C5orf63: variants seen among roughly 807,000 people sequenced by gnomAD.
The protein encoded by C5orf63 is chromosome 5 open reading frame 63.
C5orf63 carries 18 observed loss-of-function variants against 13.3 expected under a neutral mutation model. The ratio of observed to expected loss-of-function variants is 1.36; its 90% CI spans 0.94 to 2.01. C5orf63 has a LOEUF of 2.01. Ranked by LOEUF, C5orf63 falls within the 30% of genes most tolerant of loss-of-function variation. C5orf63 has a pLI of 0.00. For missense variants in C5orf63, 118 were observed against 127.7 expected, an observed-to-expected ratio of 0.92 and a Z score of 0.36; for synonymous variants, 38 against 44.7, an observed-to-expected ratio of 0.85 and a Z score of 0.60.
rs1159344003 is a variant in C5orf63 at position 127,052,666 on chromosome 5, G to T, written c.118C>A (p.Pro40Thr). The change falls in exon 4 of 5, where the codon CCA (proline) becomes ACA (threonine). Residue 40 changes from proline (P) to threonine (T), a missense_variant. Coordinates refer to ENST00000296662, the MANE Select transcript of C5orf63 (RefSeq NM_001164478.2). ...TTGGCTTCATCACAAAGGGGGCATG[G>T]GTCCTACAGGAAGAAAAAAAACCCA... ...LPVLTLFTKD[P>T]CPLCDEAKEV... The T allele has an allele frequency of 6.7e-7, 1 of 1,491,700 alleles. No homozygotes were observed. The highest frequency in any genetic ancestry group is 8.8e-7 in the Non-Finnish European group (1 of 1,131,578). 92.4% of individuals were successfully genotyped at this position (1,491,700 alleles called of 1,614,324 possible). A position where few individuals can be genotyped will look rare whatever the true frequency, so the allele number is the denominator to read the frequency against.
At chr5:127,059,224 T>C (rs1229584957) in intron 2 of C5orf63, among the ~76,000 whole-genome samples, 1 of 152,186 alleles carries the variant, frequency 6.6e-6, no homozygotes, top group Middle Eastern at 3.2e-3. Flanking sequence ...AAAAATCCCT[T>C]GTTATGAATT....
downstream of C5orf63, chr5:127,046,427 C>T (rs966490477): frequency 2.6e-5 from 4 of 152,272 alleles, no homozygotes; most frequent in African/African-American, 9.6e-5. Flanking sequence ...TGTCTGACTC[C>T]CATTGCTTTG....
chr5:127,052,440 G>C (rs1753714110), intron 4 of C5orf63, 173 bp downstream of exon 4: 1 of 448,976 alleles, frequency 2.2e-6, no homozygotes, highest in Admixed American at 4.1e-5. Context: ...AAAACACTTA[G>C]GTGTAATGAG....
intron 2 of C5orf63, among the ~76,000 whole-genome samples, chr5:127,065,957 T>G (rs776414106): frequency 1.3e-5 from 2 of 152,164 alleles, no homozygotes; most frequent in Non-Finnish European, 2.9e-5. Flanking sequence ...CTCTTTAATG[T>G]CAGGCCACTT....
chr5:127,048,129 C>T (rs1753564323), downstream of C5orf63, among the ~76,000 whole-genome samples: 1 of 151,936 alleles, frequency 6.6e-6, no homozygotes. Flanking sequence ...CGAGCAGACC[C>T]CTCAGCCCCT....
downstream of C5orf63, among the ~76,000 whole-genome samples, chr5:127,049,251 A>G (rs574938253): frequency 2.0e-5 from 3 of 152,244 alleles, no homozygotes; most frequent in African/African-American, 7.2e-5. Flanking sequence ...AGGCCTTCAC[A>G]ATATGGATCC....
intron 3 of C5orf63, 74 bp from the exon 4 acceptor site, chr5:127,052,743 A>G: frequency 8.4e-7 from 1 of 1,195,734 alleles, no homozygotes; most frequent in Non-Finnish European, 1.1e-6. Flanking sequence ...AAAACAAAAC[A>G]AAAAACCCAT....
At chr5:127,068,778 G>A (rs1754421372) in intron 2 of C5orf63, among the ~76,000 whole-genome samples, 1 of 152,144 alleles carries the variant, frequency 6.6e-6, no homozygotes, top group Non-Finnish European at 1.5e-5. Context: ...AATGGGGTTG[G>A]TGCACATGAC....
chr5:127,042,806 G>A (rs1423489736), downstream of C5orf63: 2 of 152,096 alleles, frequency 1.3e-5, no homozygotes, highest in African/African-American at 4.8e-5. Flanking sequence ...GCCCCCTTAT[G>A]GTGAAGCGAT....
chr5:127,072,884 T>C (rs939948424), intron 1 of C5orf63, among the ~76,000 whole-genome samples: 1 of 152,230 alleles, frequency 6.6e-6, no homozygotes, highest in Non-Finnish European at 1.5e-5. Context: ...ATTTATTCTC[T>C]CATTGTTCAG....
downstream of C5orf63, chr5:127,051,280 C>T: frequency 8.2e-7 from 1 of 1,220,236 alleles, no homozygotes; most frequent in Non-Finnish European, 1.0e-6. Context: ...TATTAAATCC[C>T]ACTGAATAGG....
chr5:127,048,182 G>A (rs575260548), downstream of C5orf63, among the ~76,000 whole-genome samples: 1 of 151,500 alleles, frequency 6.6e-6, no homozygotes, highest in African/African-American at 2.4e-5. Flanking sequence ...TCTGAGGCCT[G>A]CCTGCAACGA....
intron 2 of C5orf63, among the ~76,000 whole-genome samples, chr5:127,066,209 A>G (rs1554076080): frequency 6.6e-6 from 1 of 152,196 alleles, no homozygotes; most frequent in Non-Finnish European, 1.5e-5. Flanking sequence ...AACCCACAGT[A>G]AGCAGGCATC....
At chr5:127,054,558 C>A (rs1341005182) in intron 3 of C5orf63, among the ~76,000 whole-genome samples, 1 of 152,148 alleles carries the variant, frequency 6.6e-6, no homozygotes, top group Admixed American at 6.5e-5. Flanking sequence ...CTGTCCATAT[C>A]CTTTGCCCAC....
chr5:127,070,130 A>G (rs988070520), intron 2 of C5orf63, among the ~76,000 whole-genome samples: 1 of 152,320 alleles, frequency 6.6e-6, no homozygotes, highest in African/African-American at 2.4e-5. Context: ...AGTTTCAGAC[A>G]GTAGAATTCT....
At chr5:127,053,540 A>C (rs1049745541) in intron 3 of C5orf63, among the ~76,000 whole-genome samples, 4 of 151,984 alleles carry the variant, frequency 2.6e-5, no homozygotes, top group Non-Finnish European at 5.9e-5. Context: ...CCCATCAACT[A>C]GTCATTTACA....
chr5:127,066,245 G>A (rs1169142497), intron 2 of C5orf63, among the ~76,000 whole-genome samples: 1 of 152,160 alleles, frequency 6.6e-6, no homozygotes, highest in African/African-American at 2.4e-5. Flanking sequence ...TGTGGGTTAT[G>A]TTAAAGAATT....
intron 2 of C5orf63, among the ~76,000 whole-genome samples, chr5:127,071,151 T>A (rs1754524302): frequency 6.6e-6 from 1 of 152,206 alleles, no homozygotes; most frequent in Non-Finnish European, 1.5e-5. Context: ...TAAGATATTG[T>A]CACTGCCCTT....
At chr5:127,055,642 C>T (rs905164818) in intron 3 of C5orf63, among the ~76,000 whole-genome samples, 8 of 152,052 alleles carry the variant, frequency 5.3e-5, no homozygotes, top group Admixed American at 2.6e-4. Flanking sequence ...ATTAGCAATA[C>T]ATAGATTATG....
Sources: allele counts gnomAD v4.1 joint callset (sites outside exome capture counted in the v4.1 genomes callset), GRCh38; gene constraint gnomAD v4.1.1; transcripts MANE v1.5; gene names NCBI Gene and HGNC (gene_info 2026-07-23, HGNC 2026-07-21).